Variants in CYP2C19 observed in about 807,000 individuals in gnomAD.
CYP2C19 encodes the protein cytochrome P450 family 2 subfamily C member 19, also known as cytochrome P450 2C19.
A neutral mutation model predicts 40.9 loss-of-function variants in CYP2C19; 59 were observed. That is an observed-to-expected ratio of 1.44 (90% CI 1.17 to 1.79). The LOEUF (loss-of-function observed/expected upper bound fraction) is 1.79. Ranked by LOEUF, CYP2C19 falls within the 40% of genes most tolerant of loss-of-function variation. The pLI, the probability that CYP2C19 is intolerant of heterozygous loss-of-function variation, is 0.00. For synonymous variants in CYP2C19, 253 were observed against 208.7 expected, an observed-to-expected ratio of 1.21 and a Z score of -1.83; for missense variants, 754 against 596.9, an observed-to-expected ratio of 1.26 and a Z score of -2.74.
At chr10:94,851,409 G>C (rs1849651641) in intron 8 of CYP2C19, among the ~76,000 whole-genome samples, 1 of 150,872 alleles carries the variant, frequency 6.6e-6, no homozygotes, top group African/African-American at 2.4e-5. Flanking sequence ...CATGAGATTT[G>C]GGTAAGGACA....
rs34415420 is a variant in CYP2C19, at chr10:94,853,547, C to CTTT, written c.*647_*649dup. On this transcript the variant is annotated 3_prime_UTR_variant, in exon 9 of 9. Transcript: ENST00000371321. ...TATTAAATGTTCCACATTGGTGTTC[C>CTTT]TTTTTTTTTTTTTTTTGAGACAATG... Among the ~76,000 whole-genome samples the CTTT allele has an allele frequency of 6.1e-3, 851 of 139,152 alleles. 8 individuals carry two copies. The highest frequency in any genetic ancestry group is 0.011 in the South Asian group (48 of 4,432). 91.3% of individuals were successfully genotyped at this position (139,152 alleles called of 152,430 possible). A position where few individuals can be genotyped will look rare whatever the true frequency, so the allele number is the denominator to read the frequency against.
At chr10:94,836,813 G>A (rs538913689) in intron 6 of CYP2C19, among the ~76,000 whole-genome samples, 1 of 152,326 alleles carries the variant, frequency 6.6e-6, no homozygotes, top group Non-Finnish European at 1.5e-5. Flanking sequence ...CGCTTGGGTG[G>A]CTTGATGGCA....
At chr10:94,828,484 A>T (rs1018556120) in intron 6 of CYP2C19, among the ~76,000 whole-genome samples, 3 of 143,888 alleles carry the variant, frequency 2.1e-5, no homozygotes, top group East Asian at 2.1e-4. Context: ...TAGGATTGCA[A>T]CCCCTGCCTT....
chr10:94,834,859 G>A (rs1441839107), intron 6 of CYP2C19, among the ~76,000 whole-genome samples: 1 of 152,150 alleles, frequency 6.6e-6, no homozygotes, highest in East Asian at 1.9e-4. Flanking sequence ...GGGATTCTTA[G>A]TCAGCTAGGA....
intron 5 of CYP2C19, among the ~76,000 whole-genome samples, chr10:94,795,696 C>G (rs1351705339): frequency 6.6e-6 from 1 of 152,096 alleles, no homozygotes; most frequent in African/African-American, 2.4e-5. Flanking sequence ...GATCACTGTT[C>G]TAACTGGTGT....
chr10:94,773,730 C>G (rs1310000036), intron 1 of CYP2C19: 4 of 152,212 alleles, frequency 2.6e-5, no homozygotes, highest in African/African-American at 9.7e-5. Flanking sequence ...AAGCTACAGA[C>G]CTTTGCAGTG....
chr10:94,786,808 G>A (rs1338211940), intron 5 of CYP2C19, among the ~76,000 whole-genome samples: 1 of 152,000 alleles, frequency 6.6e-6, no homozygotes, highest in African/African-American at 2.4e-5. Flanking sequence ...CAAGACAATG[G>A]CCTCCAGCTG....
intron 6 of CYP2C19, among the ~76,000 whole-genome samples, chr10:94,834,432 T>C (rs898628490): frequency 2.0e-5 from 3 of 152,170 alleles, no homozygotes; most frequent in African/African-American, 7.2e-5. Flanking sequence ...GTTTAATTTC[T>C]CAAAGAAACA....
At chr10:94,834,062 T>C (rs532438958) in intron 6 of CYP2C19, among the ~76,000 whole-genome samples, 1 of 152,332 alleles carries the variant, frequency 6.6e-6, no homozygotes. Context: ...TTGGAATAGT[T>C]TGAGTAGGGT....
intron 1 of CYP2C19, among the ~76,000 whole-genome samples, chr10:94,763,493 G>GT (rs965973468): frequency 6.0e-4 from 91 of 152,068 alleles, no homozygotes; most frequent in Non-Finnish European, 1.1e-3. Context: ...AAGCATTACG[G>GT]TTTTTTCTTG....
At chr10:94,818,824 T>C (rs1450013926) in intron 5 of CYP2C19, among the ~76,000 whole-genome samples, 2 of 151,690 alleles carry the variant, frequency 1.3e-5, no homozygotes, top group African/African-American at 2.4e-5. Context: ...TAAACAATCA[T>C]GTCGTCTGCA....
chr10:94,849,867 A>T, intron 7 of CYP2C19, 50 bp from the exon 8 acceptor site: 1 of 1,608,480 alleles, frequency 6.2e-7, no homozygotes. Flanking sequence ...TGTTTCTTAA[A>T]CCTTCGTGAC....
rs1312085933 is a variant in CYP2C19 at position 94,854,283 on chromosome 10, T to A, written c.*1369T>A. On this transcript the variant is annotated 3_prime_UTR_variant, in exon 9 of 9. Coordinates refer to ENST00000371321, the MANE Select transcript of CYP2C19 (RefSeq NM_000769.4). ...ATCCACCCACCTCAGCCTCCCAAAC[T>A]GCTGGGCTTACAGGCGTGAGCCACT... Among the ~76,000 whole-genome samples, 1 of 152,166 alleles carries A rather than the reference T, an allele frequency of 6.6e-6. No homozygotes were observed. The highest frequency in any genetic ancestry group is 1.5e-5 in the Non-Finnish European group (1 of 68,030).
intron 6 of CYP2C19, among the ~76,000 whole-genome samples, chr10:94,834,396 A>C (rs888328378): frequency 6.6e-6 from 1 of 151,266 alleles, no homozygotes; most frequent in Non-Finnish European, 1.5e-5. Flanking sequence ...TTTTTTTCTT[A>C]GTCTGGCTAA....
chr10:94,839,326 AC>A (rs1267780242), intron 6 of CYP2C19, among the ~76,000 whole-genome samples: 4 of 151,128 alleles, frequency 2.6e-5, no homozygotes, highest in African/African-American at 9.8e-5. Flanking sequence ...CTGTATAACC[AC>A]CCATGGACCT....
At chr10:94,849,340 T>TA (rs1849617406) in intron 7 of CYP2C19, among the ~76,000 whole-genome samples, 1 of 151,530 alleles carries the variant, frequency 6.6e-6, no homozygotes, top group Admixed American at 6.6e-5. Flanking sequence ...TTTATTTATT[T>TA]TTTTCATCAG....
chr10:94,820,453 C>T (rs368358333), intron 5 of CYP2C19, 43 bp from the exon 6 acceptor site: 2 of 1,606,172 alleles, frequency 1.2e-6, no homozygotes, highest in Non-Finnish European at 1.7e-6. Flanking sequence ...ATCAAATATG[C>T]TGTTAAATAA....
rs1397054659 is a variant in CYP2C19 at position 94,853,285 on chromosome 10, T to C, written c.*371T>C. The C allele has an allele frequency of 2.7e-6, 1 of 375,644 alleles. No individual in the cohort carries two copies. The highest frequency in any genetic ancestry group is 4.8e-6 in the Non-Finnish European group (1 of 206,486). 23.3% of individuals were successfully genotyped at this position (375,644 alleles called of 1,614,324 possible). On this transcript the variant is annotated 3_prime_UTR_variant, in exon 9 of 9. Transcript: ENST00000371321. The stretch of plus-strand genomic sequence containing the variant: ...AGTCAGGTTATTAGACCTTCCTTCC[T>C]TTGTGCATAATGCAGGTGACAAATT...
intron 7 of CYP2C19, among the ~76,000 whole-genome samples, chr10:94,845,069 G>T (rs1033462773): frequency 6.6e-6 from 1 of 152,176 alleles, no homozygotes; most frequent in Non-Finnish European, 1.5e-5. Flanking sequence ...ATAGAAAAGT[G>T]CAGCACTGCG....
Sources: gnomAD v4.1 joint callset for allele counts (sites outside exome capture counted in the v4.1 genomes callset) on GRCh38, gnomAD v4.1.1 for gene constraint, MANE v1.5 for transcripts, NCBI Gene and HGNC (gene_info 2026-07-23, HGNC 2026-07-21) for gene names.